Variants in TUNAR observed in about 807,000 individuals in gnomAD.
TUNAR encodes the protein transmembrane neural differentiation associated intracellular calcium regulator.
intron 2 of TUNAR, among the ~76,000 whole-genome samples, chr14:95,901,701 A>G (rs1034003072): frequency 2.6e-5 from 4 of 152,258 alleles, no homozygotes; most frequent in South Asian, 2.1e-4. Context: ...AGGGGCTGCA[A>G]TGAAGGACAC....
At chr14:95,899,631 A>G (rs895359864) in intron 2 of TUNAR, among the ~76,000 whole-genome samples, 3 of 152,134 alleles carry the variant, frequency 2.0e-5, no homozygotes, top group Non-Finnish European at 4.4e-5. Flanking sequence ...CAGTAGATTG[A>G]GTGCCTGGAG....
chr14:95,879,959 A>G (rs55748503), intron 2 of TUNAR, among the ~76,000 whole-genome samples: 2,812 of 152,308 alleles, frequency 0.018, 54 homozygotes, highest in East Asian at 0.08. Flanking sequence ...GTGCTGTGGC[A>G]TTTCTGCATC....
intron 2 of TUNAR, among the ~76,000 whole-genome samples, chr14:95,914,944 C>T (rs1168627965): frequency 6.6e-6 from 1 of 152,158 alleles, no homozygotes; most frequent in Non-Finnish European, 1.5e-5. Context: ...CAGAGGATAA[C>T]AAGGACTTGC....
intron 2 of TUNAR, among the ~76,000 whole-genome samples, chr14:95,900,598 A>G (rs1261406317): frequency 6.6e-6 from 1 of 152,202 alleles, no homozygotes; most frequent in African/African-American, 2.4e-5. Flanking sequence ...CCTCCTTCTT[A>G]GGTCTGTGCT....
At chr14:95,904,759 T>C (rs1292166215) in intron 2 of TUNAR, among the ~76,000 whole-genome samples, 1 of 152,192 alleles carries the variant, frequency 6.6e-6, no homozygotes, top group East Asian at 1.9e-4. Flanking sequence ...AGGTAAGGTC[T>C]GCAGAGAAAA....
intron 2 of TUNAR, among the ~76,000 whole-genome samples, chr14:95,884,775 A>C (rs1416051357): frequency 6.6e-6 from 1 of 152,146 alleles, no homozygotes; most frequent in Non-Finnish European, 1.5e-5. Flanking sequence ...GCTACGTCCA[A>C]ACACTGCGGT....
chr14:95,890,366 C>T (rs550714137), intron 2 of TUNAR, among the ~76,000 whole-genome samples: 7 of 152,318 alleles, frequency 4.6e-5, no homozygotes, highest in African/African-American at 1.7e-4. Context: ...ACAATGGTCA[C>T]CCCAGTATGG....
chr14:95,906,898 T>C (rs1889434425), intron 2 of TUNAR, among the ~76,000 whole-genome samples: 1 of 152,190 alleles, frequency 6.6e-6, no homozygotes, highest in Admixed American at 6.5e-5. Context: ...TCTGCATCCC[T>C]TTCTCTTCCA....
At chr14:95,891,616 C>G (rs1566786601) in intron 2 of TUNAR, among the ~76,000 whole-genome samples, 1 of 152,228 alleles carries the variant, frequency 6.6e-6, no homozygotes, top group Non-Finnish European at 1.5e-5. Context: ...GTTCATCTCC[C>G]TATTACTATA....
intron 2 of TUNAR, among the ~76,000 whole-genome samples, chr14:95,894,944 G>C (rs1237740143): frequency 6.6e-6 from 1 of 152,182 alleles, no homozygotes; most frequent in African/African-American, 2.4e-5. Context: ...AGGGCACTGC[G>C]GGATGGAGTG....
chr14:95,904,241 G>T (rs944561890), intron 2 of TUNAR, among the ~76,000 whole-genome samples: 2 of 152,180 alleles, frequency 1.3e-5, no homozygotes, highest in Non-Finnish European at 2.9e-5. Context: ...CCTGTGGGGG[G>T]GCCTGGGTGG....
intron 2 of TUNAR, among the ~76,000 whole-genome samples, chr14:95,906,574 A>C (rs1182104015): frequency 6.6e-6 from 1 of 152,244 alleles, no homozygotes; most frequent in Non-Finnish European, 1.5e-5. Context: ...GTTTGTGTAC[A>C]GTCTTTTTGT....
At chr14:95,921,943 A>G (rs138541709) in intron 2 of TUNAR, among the ~76,000 whole-genome samples, 2 of 150,566 alleles carry the variant, frequency 1.3e-5, no homozygotes, top group Admixed American at 6.6e-5. Flanking sequence ...ATAATATTCC[A>G]TTGTAGAGAC....
At chr14:95,905,549 C>T (rs564312428) in intron 2 of TUNAR, among the ~76,000 whole-genome samples, 69 of 152,326 alleles carry the variant, frequency 4.5e-4, no homozygotes, top group African/African-American at 1.6e-3. Context: ...TGCCCCCTAT[C>T]GGGATTCATG....
intron 2 of TUNAR, among the ~76,000 whole-genome samples, chr14:95,885,472 G>A (rs953999390): frequency 7.2e-5 from 11 of 152,184 alleles, no homozygotes; most frequent in Non-Finnish European, 1.3e-4. Flanking sequence ...GGGTGGAGGC[G>A]TTTGACTTGA....
rs1889051497 is a variant in TUNAR, at chr14:95,884,949, G to T, written c.12+7772G>T. 2.0e-5 allele frequency among the ~76,000 whole-genome samples: 3 copies of T among 152,028 alleles called. No homozygotes were observed. The South Asian group carries it at 6.2e-4, about 32-fold the overall frequency. On this transcript the variant is annotated intron_variant, in intron 2 of 2. Coordinates refer to ENST00000678517, the Ensembl canonical transcript of TUNAR. ...CAACAGCAGCCCTCTTGGGGCCTAG[G>T]TTAAGCAAACTGCACTCGAAAGGAT... is the stretch of plus-strand genomic sequence containing the variant.
At chr14:95,904,206 C>T (rs1340551813) in intron 2 of TUNAR, among the ~76,000 whole-genome samples, 1 of 152,212 alleles carries the variant, frequency 6.6e-6, no homozygotes, top group Non-Finnish European at 1.5e-5. Context: ...CTTGATCCTG[C>T]TGGAGACATA....
intron 2 of TUNAR, among the ~76,000 whole-genome samples, chr14:95,901,365 G>A (rs559377087): frequency 2.0e-5 from 3 of 152,374 alleles, no homozygotes; most frequent in African/African-American, 4.8e-5. Context: ...TCCCCAGAGA[G>A]TTGGGGGCCA....
chr14:95,902,482 C>T (rs1366666616), intron 2 of TUNAR, among the ~76,000 whole-genome samples: 2 of 152,152 alleles, frequency 1.3e-5, no homozygotes, highest in African/African-American at 4.8e-5. Context: ...ATGGGTGCAG[C>T]CCGCCAAAGA....
Sources: gnomAD v4.1 joint callset for allele counts (sites outside exome capture counted in the v4.1 genomes callset) on GRCh38, gnomAD v4.1.1 for gene constraint, MANE v1.5 for transcripts, NCBI Gene and HGNC (gene_info 2026-07-23, HGNC 2026-07-21) for gene names.